The following ZNF786 variants were observed in gnomAD, a reference collection of about 807,000 sequenced individuals.
ZNF786 encodes the protein zinc finger protein 786.
A neutral mutation model predicts 63.1 loss-of-function variants in ZNF786; 56 were observed. The ratio of observed to expected loss-of-function variants is 0.89; its 90% CI spans 0.72 to 1.11. The LOEUF (loss-of-function observed/expected upper bound fraction) is 1.11. ZNF786 is among the 50% of genes least tolerant of loss of function. The pLI is 0.00. For synonymous variants in ZNF786, 485 were observed against 406.9 expected, an observed-to-expected ratio of 1.19 and a Z score of -2.31; for missense variants, 1,213 against 1,041.8, an observed-to-expected ratio of 1.16 and a Z score of -2.26.
chr7:149,081,501 T>G (rs1014893668), intron 1 of ZNF786, among the ~76,000 whole-genome samples: 2 of 151,270 alleles, frequency 1.3e-5, no homozygotes, highest in Non-Finnish European at 2.9e-5. Flanking sequence ...GTGCTTTTAC[T>G]TCTTCAGGAT....
chr7:149,079,394 G>A (rs1013826151), intron 2 of ZNF786, among the ~76,000 whole-genome samples: 10 of 151,150 alleles, frequency 6.6e-5, no homozygotes, highest in Non-Finnish European at 1.2e-4. Context: ...GGGCGACGGA[G>A]CCAGACTCCG....
intron 1 of ZNF786, among the ~76,000 whole-genome samples, chr7:149,090,157 C>T (rs938810723): frequency 6.6e-6 from 1 of 152,208 alleles, no homozygotes; most frequent in Non-Finnish European, 1.5e-5. Flanking sequence ...TTACACTCAA[C>T]CCAAATCACG....
chr7:149,070,227 AAG>A lies in ZNF786; in HGVS notation c.*194_*195del. 4 of 697,366 alleles carry A rather than the reference AAG, an allele frequency of 5.7e-6. No individual in the cohort carries two copies. Among genetic ancestry groups the A allele is most frequent in the South Asian group, 4.8e-5 (2 of 42,076 alleles). 43.2% of individuals were successfully genotyped at this position (697,366 alleles called of 1,614,324 possible). A position where few individuals can be genotyped will look rare whatever the true frequency, so the allele number is the denominator to read the frequency against. ...CTCCATCTTGGAAAAAAAAAAAAAA[AAG>A]AAAGAAATATAATTGGTGATGCTTC... On this transcript the variant is annotated 3_prime_UTR_variant, in exon 4 of 4. Transcript: ENST00000491431.
Position 149,071,811 on chromosome 7 carries a change from C to T in ZNF786, c.961G>A (p.Glu321Lys), listed in dbSNP as rs1238388687. The T allele has an allele frequency of 6.3e-7, 1 of 1,587,316 alleles. No individual in the cohort carries two copies. The highest frequency in any genetic ancestry group is 1.1e-5 in the South Asian group (1 of 89,970). Residue 321 changes from glutamate to lysine, a missense_variant, in exon 4 of 4, where the codon GAG (glutamate) becomes AAG (lysine). Glu to Lys is a moderately conservative substitution (Grantham distance 56, BLOSUM62 1). Transcript: ENST00000491431. ...TQARRCQHSR[E>K]GPASWREGRG... ...CCTTCTCTCCAAGAGGCCGGCCCCT[C>T]CCGGCTGTGCTGGCACCGGCGAGCC...
intron 1 of ZNF786, among the ~76,000 whole-genome samples, chr7:149,084,533 C>T (rs1056702931): frequency 6.6e-6 from 1 of 152,090 alleles, no homozygotes. Context: ...TTTTGATTTG[C>T]ATTTCTCAAA....
At chr7:149,072,600 AC>A in intron 3 of ZNF786, 127 bp from the exon 4 acceptor site, 1 of 1,052,718 alleles carries the variant, frequency 9.5e-7, no homozygotes. Flanking sequence ...GAGCTACCCA[AC>A]CATGCAGTGT....
chr7:149,074,334 C>A lies in ZNF786; in HGVS notation c.298+52G>T, dbSNP rs1825502729. 3.1e-6 allele frequency: 5 copies of A among 1,595,368 alleles called. No homozygotes were observed. In the South Asian group the frequency reaches 5.7e-5, roughly 18 times the overall value. Reference sequence around the variant, plus strand: ...GGATGACAAGATCAGAGAAGAGAAACAAATCTGAACATGATGTCTCAAGGT... The same window carrying A: ...GGATGACAAGATCAGAGAAGAGAAAAAAATCTGAACATGATGTCTCAAGGT... On this transcript the variant is annotated intron_variant, in intron 3 of 3. Transcript: ENST00000491431.
chr7:149,074,195 C>T (rs1423462190), intron 3 of ZNF786, among the ~76,000 whole-genome samples, 191 bp downstream of exon 3: 1 of 152,058 alleles, frequency 6.6e-6, no homozygotes, highest in African/African-American at 2.4e-5. Context: ...TGCCCAAGGT[C>T]ACCAAGAAAA....
intron 2 of ZNF786, among the ~76,000 whole-genome samples, chr7:149,078,442 T>C (rs1439814333): frequency 1.3e-5 from 2 of 151,960 alleles, no homozygotes; most frequent in Non-Finnish European, 2.9e-5. Context: ...CCCAGCACTT[T>C]GGGAGACCAA....
intron 3 of ZNF786, 59 bp downstream of exon 3, chr7:149,074,327 A>T (rs1413377669): frequency 1.3e-6 from 2 of 1,587,900 alleles, no homozygotes; most frequent in African/African-American, 2.7e-5. Flanking sequence ...AGATCAGAGA[A>T]GAGAAACAAA....
At position 149,071,442 on chromosome 7, in the gene ZNF786, T is replaced by A; in HGVS notation, c.1330A>T (p.Ile444Phe). ...GGCTTCTCTCCGCTGTGGACTCGAATGTGCTCCGTGAGTTTACACTGCTTG... is the reference window on the plus strand; with the variant it reads ...GGCTTCTCTCCGCTGTGGACTCGAAAGTGCTCCGTGAGTTTACACTGCTTG... ...FAKQCKLTEHIRVHSGEKPFR... is the reference protein window; with the variant it reads ...FAKQCKLTEHFRVHSGEKPFR... The change falls in exon 4 of 4, where the codon ATT (isoleucine) becomes TTT (phenylalanine). Residue 444 changes from isoleucine to phenylalanine, a missense_variant. Physicochemically the swap from Ile to Phe is conservative, Grantham distance 21 (BLOSUM62 0). Coordinates refer to ENST00000491431, the MANE Select transcript of ZNF786 (RefSeq NM_152411.4). The A allele has an allele frequency of 6.2e-7, 1 of 1,604,092 alleles. No homozygotes were observed. Among genetic ancestry groups the A allele is most frequent in the East Asian group, 2.3e-5 (1 of 44,100 alleles).
At chr7:149,090,544 C>T (rs539595731) in intron 1 of ZNF786, 79 bp downstream of exon 1, 3 of 1,414,956 alleles carry the variant, frequency 2.1e-6, no homozygotes, top group East Asian at 5.5e-5. Context: ...CACGGGGACC[C>T]CAGGACACGG....
chr7:149,079,190 C>T (rs1406206453), intron 2 of ZNF786, among the ~76,000 whole-genome samples: 3 of 152,128 alleles, frequency 2.0e-5, no homozygotes, highest in Non-Finnish European at 2.9e-5. Flanking sequence ...GGGCGGATCA[C>T]GAGGTCAGGA....
At chr7:149,084,903 T>C (rs1459478057) in intron 1 of ZNF786, among the ~76,000 whole-genome samples, 1 of 152,200 alleles carries the variant, frequency 6.6e-6, no homozygotes, top group Non-Finnish European at 1.5e-5. Flanking sequence ...TAGGTTATCT[T>C]CCAGGGTTTT....
At chr7:149,074,599 T>C in intron 2 of ZNF786, 61 bp from the exon 3 acceptor site, 5 of 1,531,744 alleles carry the variant, frequency 3.3e-6, no homozygotes, top group Non-Finnish European at 4.4e-6. Flanking sequence ...ACTAAGTTTC[T>C]AAATTTCTCA....
In ZNF786 at chr7:149,072,104, T is replaced by C. The variant is rs1384236245; in HGVS notation, c.668A>G (p.Lys223Arg). The C allele has an allele frequency of 6.8e-6, 11 of 1,613,142 alleles. No homozygotes were observed. The highest frequency in any genetic ancestry group is 8.5e-6 in the Non-Finnish European group (10 of 1,179,704). ...CCACGGCATCTGCGTCTCCGCCCTCTTGTTGAATTTCTCCCAGGCCCTACG... is the reference window on the plus strand; with the variant it reads ...CCACGGCATCTGCGTCTCCGCCCTCCTGTTGAATTTCTCCCAGGCCCTACG... ...RTRRAWEKFN[K>R]RAETQMPWSS... is the part of the protein sequence containing the mutation. Residue 223 changes from lysine (K) to arginine (R), a missense_variant, in exon 4 of 4, where the codon AAG becomes AGG. Lys to Arg is a conservative substitution (Grantham distance 26). Transcript: ENST00000491431.
chr7:149,081,163 C>T (rs562572442), intron 1 of ZNF786: 13 of 456,166 alleles, frequency 2.8e-5, no homozygotes, highest in East Asian at 2.1e-4. Context: ...TTCAGCCAGG[C>T]GCAGTGGGTC....
At chr7:149,074,257 T>C in intron 3 of ZNF786, 129 bp downstream of exon 3, 1 of 1,092,052 alleles carries the variant, frequency 9.2e-7, no homozygotes, top group Non-Finnish European at 1.3e-6. Context: ...CATTATGCTT[T>C]ACTGCCTTTA....
intron 2 of ZNF786, among the ~76,000 whole-genome samples, chr7:149,076,674 G>A (rs1012863331): frequency 1.2e-4 from 18 of 146,814 alleles, no homozygotes; most frequent in South Asian, 2.2e-4. Context: ...AGCCGAGATC[G>A]CGCCACTGCA....
Sources: gnomAD v4.1 joint callset for allele counts (sites outside exome capture counted in the v4.1 genomes callset) on GRCh38, gnomAD v4.1.1 for gene constraint, MANE v1.5 for transcripts, NCBI Gene and HGNC (gene_info 2026-07-23, HGNC 2026-07-21) for gene names.